Variants in TRIM29 observed in about 807,000 individuals in gnomAD.
TRIM29 encodes the protein tripartite motif-containing protein 29.
TRIM29 carries 52 observed loss-of-function variants against 57.3 expected under a neutral mutation model. The observed-to-expected ratio is 0.91, with a 90% CI of 0.73 to 1.14. TRIM29 has a LOEUF of 1.14. Among genes scored for constraint, TRIM29 ranks in the 50% most tolerant of loss-of-function variants. The pLI is 0.00. For missense variants in TRIM29, 753 were observed against 774.6 expected, an observed-to-expected ratio of 0.97 and a Z score of 0.33; for synonymous variants, 319 against 316.9, an observed-to-expected ratio of 1.01 and a Z score of -0.07.
Position 120,127,503 on chromosome 11 carries a change from T to A in TRIM29, c.967A>T (p.Lys323Ter). 1 of 1,614,148 alleles carries A rather than the reference T, an allele frequency of 6.2e-7. No homozygotes were observed. Among genetic ancestry groups the A allele is most frequent in the East Asian group, 2.2e-5 (1 of 44,882 alleles). Reference protein sequence around the residue: ...NFRDLVRDLEKQKEEVRAALE... With the variant: ...NFRDLVRDLE ...GCAGCCCTCACTTCCTCCTTTTGCT[T>A]CTCCAGGTCCCGCACCAGGTCCCGG... Residue 323 changes from lysine to a stop codon, truncating the protein, a stop_gained, in exon 3 of 9, where the codon AAG becomes TAG. Coordinates refer to ENST00000341846, the MANE Select transcript of TRIM29 (RefSeq NM_012101.4). LOFTEE classifies it high-confidence loss of function.
At chr11:120,123,076 T>C in intron 4 of TRIM29, 21 bp from the exon 5 acceptor site, 5 of 1,611,830 alleles carry the variant, frequency 3.1e-6, no homozygotes, top group Non-Finnish European at 4.2e-6. Flanking sequence ...GAGGGTCGGG[T>C]CAGCAGAGGA....
Position 120,112,358 on chromosome 11 carries a change from C to CAGCAGGGTCAGGAGGAAG in TRIM29, c.*38_*55dup. On this transcript the variant is annotated 3_prime_UTR_variant, in exon 9 of 9. Coordinates refer to ENST00000341846, the MANE Select transcript of TRIM29 (RefSeq NM_012101.4). ...AGCACAGTAGCTTAGAAGGCAAGAG[C>CAGCAGGGTCAGGAGGAAG]AGCAGGGTCAGGAGGAAGAGCAGGG... 1 of 1,600,878 alleles carries CAGCAGGGTCAGGAGGAAG rather than the reference C, an allele frequency of 6.2e-7. No individual in the cohort carries two copies. Among genetic ancestry groups the CAGCAGGGTCAGGAGGAAG allele is most frequent in the Non-Finnish European group, 8.6e-7 (1 of 1,168,696 alleles).
chr11:120,112,128 G>C lies in TRIM29; in HGVS notation c.*286C>G, dbSNP rs926360245. ...CCGAGAGGAGGAGGCTGGCGGGTTA[G>C]GGCAGGCCCCAACCTATCTCACCCC... On this transcript the variant is annotated 3_prime_UTR_variant, in exon 9 of 9. Transcript: ENST00000341846. The C allele has an allele frequency of 1.5e-5, 6 of 403,678 alleles. No individual in the cohort carries two copies. The highest frequency in any genetic ancestry group is 2.3e-5 in the Non-Finnish European group (5 of 219,864). The allele number at this position is 403,678 out of a possible 1,614,324, so 25.0% of individuals were successfully genotyped here.
intron 4 of TRIM29, 183 bp downstream of exon 4, chr11:120,125,508 G>T: frequency 1.6e-6 from 1 of 630,236 alleles, no homozygotes; most frequent in Non-Finnish European, 2.7e-6. Context: ...TTGGCAGCAA[G>T]TTCAAAGGAG....
chr11:120,115,047 T>G (rs1457254245), intron 8 of TRIM29, among the ~76,000 whole-genome samples: 1 of 152,150 alleles, frequency 6.6e-6, no homozygotes, highest in Non-Finnish European at 1.5e-5. Context: ...TCCACTAGCA[T>G]AGGCATCCAA....
At chr11:120,116,853 C>A in intron 7 of TRIM29, 1 of 271,922 alleles carries the variant, frequency 3.7e-6, no homozygotes. Context: ...CCAGGGAGCT[C>A]TGGGGAGAAG....
chr11:120,115,474 C>G lies in TRIM29; in HGVS notation c.1628-60G>C, dbSNP rs3216120. ...GCGCTGGTGGTCAGGGGTGCCCGGG[C>G]CCAGAGCAGCACAGCTGCCTTCTCC... On this transcript the variant is annotated intron_variant, in intron 7 of 8. Transcript: ENST00000341846. The G allele has an allele frequency of 2.5e-3, 3,526 of 1,421,870 alleles. 15 individuals are homozygous for G. The highest frequency in any genetic ancestry group is 6.5e-3 in the South Asian group (501 of 76,866). 88.1% of individuals were successfully genotyped at this position (1,421,870 alleles called of 1,614,324 possible). A position where few individuals can be genotyped will look rare whatever the true frequency, so the allele number is the denominator to read the frequency against.
At chr11:120,113,639 G>T (rs992895856) in intron 8 of TRIM29, 17 of 456,132 alleles carry the variant, frequency 3.7e-5, no homozygotes, top group Middle Eastern at 6.5e-4. Flanking sequence ...GGGATGCTCA[G>T]ACCTTGCTTA....
At chr11:120,126,258 CTTTT>C (rs35133292) in intron 3 of TRIM29, 16 of 152,744 alleles carry the variant, frequency 1.0e-4, no homozygotes, top group Non-Finnish European at 1.5e-4. Context: ...TTCTTTCTTT[CTTTT>C]TTTTTTTTTT....
chr11:120,120,911 C>T (rs558699802), intron 5 of TRIM29: 9 of 597,750 alleles, frequency 1.5e-5, no homozygotes, highest in African/African-American at 5.5e-5. Flanking sequence ...ATGGCAACCA[C>T]GAGGGCAGAA....
chr11:120,127,630 C>T (rs527302631), intron 2 of TRIM29, 61 bp from the exon 3 acceptor site: 2 of 1,485,874 alleles, frequency 1.3e-6, no homozygotes, highest in Non-Finnish European at 1.8e-6. Context: ...AGAAATCACC[C>T]TAGTCGGGTA....
chr11:120,113,326 GCCCAGATAA>G (rs1863183568), intron 8 of TRIM29, among the ~76,000 whole-genome samples: 1 of 152,092 alleles, frequency 6.6e-6, no homozygotes, highest in Non-Finnish European at 1.5e-5. Flanking sequence ...GCCCCACCCT[GCCCAGATAA>G]CTTCATCAGG....
In TRIM29 at chr11:120,122,959, G is replaced by A. The variant is rs754954497; in HGVS notation, c.1430C>T (p.Pro477Leu). ...GGTGAGGGGCTCCCTCTTACCTTTGGGTGTCAGGTACATGGAGTATCTCTT... is the reference window on the plus strand; with the variant it reads ...GGTGAGGGGCTCCCTCTTACCTTTGAGTGTCAGGTACATGGAGTATCTCTT... ...TMKRYSMYLTPKGGVRTSYQP... is the reference protein window; with the variant it reads ...TMKRYSMYLTLKGGVRTSYQP... The change falls in exon 5 of 9, where the codon CCC (proline) becomes CTC (leucine). Residue 477 changes from proline (P) to leucine (L), a missense_variant. Physicochemically the swap from Pro to Leu is moderately conservative, Grantham distance 98. Coordinates refer to ENST00000341846, the MANE Select transcript of TRIM29 (RefSeq NM_012101.4). 6 of 1,613,620 alleles carry A rather than the reference G, an allele frequency of 3.7e-6. No individual in the cohort carries two copies. The highest frequency in any genetic ancestry group is 5.1e-6 in the Non-Finnish European group (6 of 1,179,728).
At chr11:120,116,973 G>A (rs1204919290) in intron 7 of TRIM29, 3 of 425,004 alleles carry the variant, frequency 7.1e-6, no homozygotes, top group Non-Finnish European at 1.4e-5. Context: ...ATTATTTTTA[G>A]ACAGCCCACT....
chr11:120,125,583 G>T, intron 4 of TRIM29, 108 bp downstream of exon 4: 1 of 1,116,570 alleles, frequency 9.0e-7, no homozygotes, highest in Non-Finnish European at 1.2e-6. Flanking sequence ...GGGTGGGTGG[G>T]AACAATGAGA....
chr11:120,132,984 C>G (rs1258063937), intron 1 of TRIM29, among the ~76,000 whole-genome samples: 1 of 152,134 alleles, frequency 6.6e-6, no homozygotes, highest in Non-Finnish European at 1.5e-5. Flanking sequence ...ATGCCAGGCC[C>G]ACAGAGAGTT....
chr11:120,130,111 G>A (rs1200195720), intron 1 of TRIM29, among the ~76,000 whole-genome samples: 2 of 152,118 alleles, frequency 1.3e-5, no homozygotes, highest in Admixed American at 6.5e-5. Flanking sequence ...ACGATGCAGA[G>A]CCCAAGAGCC....
intron 8 of TRIM29, among the ~76,000 whole-genome samples, chr11:120,114,502 G>C (rs911272267): frequency 6.6e-6 from 1 of 152,158 alleles, no homozygotes; most frequent in African/African-American, 2.4e-5. Flanking sequence ...CAAGGGCTCC[G>C]GCCCTGGTTC....
At chr11:120,128,607 T>G (rs1863652423) in intron 1 of TRIM29, 112 bp from the exon 2 acceptor site, 1 of 1,504,940 alleles carries the variant, frequency 6.6e-7, no homozygotes, top group South Asian at 1.2e-5. Flanking sequence ...GGCTCATCAC[T>G]CATCTATTCA....
Sources: gnomAD v4.1 joint callset for allele counts (sites outside exome capture counted in the v4.1 genomes callset) on GRCh38, gnomAD v4.1.1 for gene constraint, MANE v1.5 for transcripts, NCBI Gene and HGNC (gene_info 2026-07-23, HGNC 2026-07-21) for gene names.